Variants in SYNE1 observed in about 807,000 individuals in gnomAD.
SYNE1 encodes nesprin-1.
A neutral mutation model predicts 1,111.0 loss-of-function variants in SYNE1; 616 were observed. The ratio of observed to expected loss-of-function variants is 0.55; its 90% CI spans 0.52 to 0.59. The LOEUF (loss-of-function observed/expected upper bound fraction) is 0.59. SYNE1 is among the 20% of genes least tolerant of loss of function. SYNE1 has a pLI of 0.00. For synonymous variants in SYNE1, 3,855 were observed against 3,825.8 expected (o/e 1.01, Z -0.28); for missense variants, 10,006 against 10,417.0 (o/e 0.96, Z 1.72).
chr6:152,433,822 G>A lies in SYNE1; in HGVS notation c.4434C>T (p.Ala1478=). 1 of 1,613,796 alleles carries A rather than the reference G, an allele frequency of 6.2e-7. No individual in the cohort carries two copies. Among genetic ancestry groups the A allele is most frequent in the South Asian group, 1.1e-5 (1 of 91,070 alleles). The change falls in exon 34 of 146, where the codon GCC becomes GCT. Residue 1478 remains alanine, a synonymous_variant. Transcript: ENST00000367255. ...ELNALETSSS[A]MDMQISQIKV... is the part of the protein sequence containing the mutation. ...TAATTTGGCTGATTTGCATGTCCATGGCAGATGACGAAGTTTCCAAGGCAT... is the reference window on the plus strand; with the variant it reads ...TAATTTGGCTGATTTGCATGTCCATAGCAGATGACGAAGTTTCCAAGGCAT...
At chr6:152,296,380 G>A (rs1356850393) in intron 93 of SYNE1, among the ~76,000 whole-genome samples, 2 of 152,160 alleles carry the variant, frequency 1.3e-5, no homozygotes, top group African/African-American at 2.4e-5. Context: ...ATATCCTGTA[G>A]GCTCTTCAAA....
At chr6:152,173,124 T>C (rs938013088) in intron 130 of SYNE1, among the ~76,000 whole-genome samples, 1 of 152,294 alleles carries the variant, frequency 6.6e-6, no homozygotes, top group East Asian at 1.9e-4. Flanking sequence ...AAATTGACAA[T>C]GCTTGACAAC....
At chr6:152,289,655 C>G (rs947849634) in intron 95 of SYNE1, among the ~76,000 whole-genome samples, 2 of 152,126 alleles carry the variant, frequency 1.3e-5, no homozygotes, top group African/African-American at 4.8e-5. Context: ...GAGACGGAGT[C>G]TCGCTCTGTC....
intron 3 of SYNE1, among the ~76,000 whole-genome samples, chr6:152,599,581 G>A (rs1176704489): frequency 6.6e-6 from 1 of 152,282 alleles, no homozygotes; most frequent in Admixed American, 6.5e-5. Context: ...TGGATAAATT[G>A]TGAAAAGTTG....
chr6:152,465,005 C>T (rs1299888979), intron 18 of SYNE1: 4 of 520,130 alleles, frequency 7.7e-6, no homozygotes, highest in African/African-American at 1.9e-5. Context: ...CACTCCCCTT[C>T]ATAGACAGAC....
intron 91 of SYNE1, among the ~76,000 whole-genome samples, chr6:152,303,771 A>T (rs1272211256): frequency 1.3e-5 from 2 of 152,246 alleles, no homozygotes; most frequent in African/African-American, 4.8e-5. Context: ...TGACAAGAAA[A>T]GAAGATCAAC....
chr6:152,316,923 C>G lies in SYNE1; in HGVS notation c.16636G>C (p.Ala5546Pro). The G allele has an allele frequency of 1.2e-6, 2 of 1,614,114 alleles. No individual in the cohort carries two copies. Among genetic ancestry groups the G allele is most frequent in the Non-Finnish European group, 1.7e-6 (2 of 1,180,016 alleles). ...ATAGTTCCATGAGCCAAGACTTTAG[C>G]TTTTTCAATCCACTTCAAAATTAAT... The part of the protein sequence containing the change: ...LELILKWIEK[A>P]KVLAHGTIAW... The change falls in exon 87 of 146, where the codon GCT (alanine) becomes CCT (proline). Residue 5546 changes from alanine to proline, a missense_variant. Physicochemically the swap from Ala to Pro is conservative, Grantham distance 27. Coordinates refer to ENST00000367255, the MANE Select transcript of SYNE1 (RefSeq NM_182961.4).
At position 152,247,855 on chromosome 6, in the gene SYNE1, A is replaced by AC. The variant is rs1562486827; in HGVS notation, c.19572+1305_19572+1306insG. On this transcript the variant is annotated intron_variant, in intron 105 of 145. Transcript: ENST00000367255. ...CAAACTATTTTGAGAGGTGTTCTTT[A>AC]ACACACACACACACACACACACACA... is the stretch of plus-strand genomic sequence containing the variant. Among the ~76,000 whole-genome samples, 533 of 89,894 alleles carry AC rather than the reference A, an allele frequency of 5.9e-3. 2 individuals carry two copies. Among genetic ancestry groups the AC allele is most frequent in the East Asian group, 0.025 (102 of 4,132 alleles). 59.0% of individuals were successfully genotyped at this position (89,894 alleles called of 152,430 possible).
intron 66 of SYNE1, among the ~76,000 whole-genome samples, chr6:152,356,405 A>G (rs1310730407): frequency 1.3e-5 from 2 of 150,016 alleles, no homozygotes; most frequent in African/African-American, 4.9e-5. Context: ...CCCAAATTTC[A>G]AGTCTGTATT....
At chr6:152,332,535 GTGTAA>G (rs2096271991) in intron 77 of SYNE1, among the ~76,000 whole-genome samples, 1 of 152,140 alleles carries the variant, frequency 6.6e-6, no homozygotes, top group Non-Finnish European at 1.5e-5. Flanking sequence ...TGGATGTTTT[GTGTAA>G]TGTTAAACAG....
intron 3 of SYNE1, among the ~76,000 whole-genome samples, chr6:152,548,430 T>C (rs1405698): frequency 0.22 from 33,577 of 152,114 alleles, 3,820 homozygotes; most frequent in Middle Eastern, 0.32. Flanking sequence ...GCTCCCTCTG[T>C]TCAATTCTCT....
intron 3 of SYNE1, among the ~76,000 whole-genome samples, chr6:152,572,712 T>C (rs2099469600): frequency 6.6e-6 from 1 of 152,108 alleles, no homozygotes; most frequent in South Asian, 2.1e-4. Flanking sequence ...AAGAGTAACT[T>C]AAAAAGGAGA....
intron 11 of SYNE1, among the ~76,000 whole-genome samples, chr6:152,491,133 C>T (rs1191468567): frequency 6.6e-6 from 1 of 152,004 alleles, no homozygotes; most frequent in Non-Finnish European, 1.5e-5. Flanking sequence ...GGGATGCCTG[C>T]CTGATTATTC....
In SYNE1 at chr6:152,364,914, G is replaced by T. The variant is rs774710219; in HGVS notation, c.10078C>A (p.Gln3360Lys). The T allele has an allele frequency of 4.1e-5, 66 of 1,614,128 alleles. No individual in the cohort carries two copies. The Middle Eastern group carries it at 1.2e-3, about 28-fold the overall frequency. The change falls in exon 63 of 146, where the codon CAG (glutamine) becomes AAG (lysine). Residue 3360 changes from glutamine (Q) to lysine (K), a missense_variant. Physicochemically the swap from Gln to Lys is moderately conservative, Grantham distance 53. This residue lies in a region of SYNE1 where 4,955 missense variants were observed against 5,017.2 expected (regional missense o/e 0.99). Transcript: ENST00000367255. ...NTSPEGIPTI[Q>K]QQLQSVKDMW... ...TCCTTCACACTCTGCAGCTGCTGCT[G>T]AATAGTGGGAATGCCTTCTGGAGAA...
At chr6:152,490,654 G>A (rs894826976) in intron 11 of SYNE1, among the ~76,000 whole-genome samples, 2 of 151,874 alleles carry the variant, frequency 1.3e-5, no homozygotes, top group Non-Finnish European at 2.9e-5. Context: ...TACCTTTTTC[G>A]GACTCAGTCT....
chr6:152,247,750 T>TATATATATATAC lies in SYNE1; in HGVS notation c.19572+1410_19572+1411insGTATATATATAT, dbSNP rs1432898834. 9.8e-5 allele frequency among the ~76,000 whole-genome samples: 11 copies of TATATATATATAC among 112,366 alleles called. 1 individual carries two copies. Among genetic ancestry groups the TATATATATATAC allele is most frequent in the African/African-American group, 3.2e-4 (9 of 27,972 alleles). The allele number at this position is 112,366 out of a possible 152,430, so 73.7% of individuals were successfully genotyped here. On this transcript the variant is annotated intron_variant, in intron 105 of 145. Transcript: ENST00000367255. ...TATTATATATATATATATATATATA[T>TATATATATATAC]ACACACACACACACACACACACACA... is the stretch of plus-strand genomic sequence containing the variant.
chr6:152,202,485 T>A (rs748015966), intron 126 of SYNE1, among the ~76,000 whole-genome samples: 51 of 151,312 alleles, frequency 3.4e-4, no homozygotes, highest in Non-Finnish European at 6.6e-4. Flanking sequence ...CAAAACTGAC[T>A]CTGTTACTGA....
At chr6:152,528,068 C>T (rs1433777619) in intron 4 of SYNE1, among the ~76,000 whole-genome samples, 1 of 152,202 alleles carries the variant, frequency 6.6e-6, no homozygotes, top group Non-Finnish European at 1.5e-5. Context: ...TCTCCCTGAT[C>T]TGTTCCTACC....
chr6:152,132,269 C>T, intron 143 of SYNE1, 55 bp from the exon 144 acceptor site: 1 of 1,436,608 alleles, frequency 7.0e-7, no homozygotes, highest in Non-Finnish European at 9.8e-7. Flanking sequence ...CATGGGGGCC[C>T]TCTGTTGCAC....
Sources: gnomAD v4.1 joint callset for allele counts (sites outside exome capture counted in the v4.1 genomes callset) on GRCh38, gnomAD v4.1.1 for gene constraint, gnomAD v4.1.1 regional missense constraint, MANE v1.5 for transcripts, NCBI Gene and HGNC (gene_info 2026-07-23, HGNC 2026-07-21) for gene names.